The following BANP variants were observed in gnomAD, a reference collection of about 807,000 sequenced individuals.
BANP encodes protein BANP.
In BANP, 11 loss-of-function variants were observed where a neutral mutation model predicts 68.1. The observed-to-expected ratio is 0.16, with a 90% CI of 0.10 to 0.27. BANP has a LOEUF of 0.27. Among genes scored for constraint, BANP ranks in the 10% least tolerant of loss-of-function variants. The pLI is 1.00. For missense variants in BANP, 504 were observed against 722.7 expected (o/e 0.70, Z 3.47); for synonymous variants, 329 against 303.2 (o/e 1.09, Z -0.88).
chr16:87,982,354 C>T (rs1385005751), intron 3 of BANP, among the ~76,000 whole-genome samples: 1 of 152,084 alleles, frequency 6.6e-6, no homozygotes, highest in Non-Finnish European at 1.5e-5. Context: ...GTGATTTTTC[C>T]CAAAACCCCA....
At chr16:88,009,993 A>G (rs1462823783) in intron 6 of BANP, among the ~76,000 whole-genome samples, 2 of 152,150 alleles carry the variant, frequency 1.3e-5, no homozygotes, top group African/African-American at 2.4e-5. Context: ...AGGGAACAGT[A>G]GACTATGTCT....
chr16:88,051,579 C>T (rs146140870), intron 11 of BANP, among the ~76,000 whole-genome samples: 2,224 of 152,292 alleles, frequency 0.015, 26 homozygotes, highest in Middle Eastern at 0.034. Flanking sequence ...TGGTGAGCCA[C>T]GGTTCCCTCT....
intron 12 of BANP, among the ~76,000 whole-genome samples, chr16:88,069,430 G>A (rs1274100791): frequency 2.6e-5 from 4 of 152,296 alleles, no homozygotes; most frequent in Non-Finnish European, 4.4e-5. Context: ...GCCTACGCCC[G>A]AGCCCTCCCC....
At chr16:88,073,229 T>G (rs1215106096) in intron 13 of BANP, among the ~76,000 whole-genome samples, 1 of 152,216 alleles carries the variant, frequency 6.6e-6, no homozygotes, top group Non-Finnish European at 1.5e-5. Context: ...CTGCAGTCCC[T>G]CAGCCGCGAC....
At chr16:88,006,037 T>G in intron 5 of BANP, 53 bp from the exon 6 acceptor site, 2 of 1,611,716 alleles carry the variant, frequency 1.2e-6, no homozygotes, top group Non-Finnish European at 1.7e-6. Flanking sequence ...GACCTTCGCG[T>G]GCTGCTTGCG....
At chr16:88,074,695 C>CT (rs1300673940) in intron 13 of BANP, among the ~76,000 whole-genome samples, 1 of 152,062 alleles carries the variant, frequency 6.6e-6, no homozygotes, top group East Asian at 1.9e-4. Flanking sequence ...GGTGGCCCCC[C>CT]TACCCCAACC....
At chr16:88,044,976 C>T (rs182256316) in intron 11 of BANP, among the ~76,000 whole-genome samples, 13 of 150,988 alleles carry the variant, frequency 8.6e-5, no homozygotes, top group East Asian at 7.8e-4. Flanking sequence ...AGCGCGACTC[C>T]GTCTCAAAAA....
Position 87,975,578 on chromosome 16 carries a change from C to T in BANP, c.70+393C>T, listed in dbSNP as rs1224374755. The stretch of plus-strand genomic sequence containing the variant: ...CATGTTGTGTGTGTAATCCCATGTG[C>T]GGCGTCATGGAACCTTACCATGTTG... On this transcript the variant is annotated intron_variant, in intron 2 of 13. Coordinates refer to ENST00000682872, the MANE Select transcript of BANP (RefSeq NM_001386991.1). 1.0e-3 allele frequency among the ~76,000 whole-genome samples: 108 copies of T among 103,564 alleles called. 1 individual carries two copies. The highest frequency in any genetic ancestry group is 1.1e-3 in the African/African-American group (31 of 28,792). The allele number at this position is 103,564 out of a possible 152,430, so 67.9% of individuals were successfully genotyped here.
chr16:88,014,568 C>G (rs575735075), intron 6 of BANP, among the ~76,000 whole-genome samples: 43 of 152,226 alleles, frequency 2.8e-4, no homozygotes, highest in Admixed American at 2.5e-3. Flanking sequence ...TATTATCTCA[C>G]CACAGAGAGC....
chr16:88,029,418 G>T (rs2077655960), intron 8 of BANP, among the ~76,000 whole-genome samples: 1 of 151,442 alleles, frequency 6.6e-6, no homozygotes, highest in Non-Finnish European at 1.5e-5. Flanking sequence ...GACCATCCTG[G>T]CTAACACGGT....
chr16:88,063,212 G>A (rs1350289773), intron 11 of BANP, among the ~76,000 whole-genome samples: 3 of 152,212 alleles, frequency 2.0e-5, no homozygotes, highest in African/African-American at 7.2e-5. Flanking sequence ...TGCCCTTGTG[G>A]TATCTGCTGA....
chr16:88,009,287 G>A (rs1012176659), intron 6 of BANP, among the ~76,000 whole-genome samples: 8 of 152,042 alleles, frequency 5.3e-5, no homozygotes, highest in Admixed American at 3.9e-4. Context: ...TGCTAAAGGG[G>A]GTGTGCTTGT....
At chr16:88,008,309 A>G (rs1183465643) in intron 6 of BANP, among the ~76,000 whole-genome samples, 2 of 152,186 alleles carry the variant, frequency 1.3e-5, no homozygotes, top group Non-Finnish European at 2.9e-5. Context: ...TTGTGTATGT[A>G]TTAATTGCAG....
At chr16:87,967,868 G>GC (rs1211843977) in intron 1 of BANP, among the ~76,000 whole-genome samples, 25 of 151,698 alleles carry the variant, frequency 1.6e-4, no homozygotes, top group Admixed American at 1.6e-3. Flanking sequence ...TGATCTGCCC[G>GC]CCTTGGCCCC....
intron 4 of BANP, among the ~76,000 whole-genome samples, chr16:87,999,456 G>A (rs1307424046): frequency 4.6e-5 from 1 of 21,698 alleles, no homozygotes; most frequent in Admixed American, 3.5e-4. Flanking sequence ...GTGCGCGGCT[G>A]GACTTACCTG....
chr16:87,979,719 T>C (rs4843763), intron 2 of BANP, among the ~76,000 whole-genome samples: 52,859 of 151,916 alleles, frequency 0.35, 10,473 homozygotes, highest in Non-Finnish European at 0.47. Context: ...CTATCAGAAG[T>C]GTTACAATAC....
At chr16:87,960,478 C>T (rs2058937244) in intron 1 of BANP, among the ~76,000 whole-genome samples, 1 of 152,178 alleles carries the variant, frequency 6.6e-6, no homozygotes, top group South Asian at 2.1e-4. Flanking sequence ...TAAAGACATA[C>T]TTATTTGCAA....
In BANP at chr16:87,984,164, G is replaced by C; in HGVS notation, c.267G>C (p.Leu89=). Residue 89 remains leucine, a synonymous_variant, in exon 4 of 14, where the codon CTG becomes CTC. Coordinates refer to ENST00000682872, the MANE Select transcript of BANP (RefSeq NM_001386991.1). ...CTTGTAAATCCTTAGAAGAAAAGCTGGATCTGGTCACGAACAAGCAGCACA... is the reference window on the plus strand; with the variant it reads ...CTTGTAAATCCTTAGAAGAAAAGCTCGATCTGGTCACGAACAAGCAGCACA... ...EATCKSLEEK[L]DLVTNKQHSP... is the part of the protein sequence containing the mutation. 6.2e-7 allele frequency: 1 copy of C among 1,609,102 alleles called. No homozygotes were observed. Among genetic ancestry groups the C allele is most frequent in the East Asian group, 2.2e-5 (1 of 44,658 alleles).
intron 1 of BANP, among the ~76,000 whole-genome samples, chr16:87,967,197 G>C (rs368356344): frequency 6.6e-6 from 1 of 152,274 alleles, no homozygotes; most frequent in African/African-American, 2.4e-5. Flanking sequence ...TGGGATTAGG[G>C]GAGCCTCAGA....
Sources: allele counts gnomAD v4.1 joint callset (sites outside exome capture counted in the v4.1 genomes callset), GRCh38; gene constraint gnomAD v4.1.1; transcripts MANE v1.5; gene names NCBI Gene and HGNC (gene_info 2026-07-23, HGNC 2026-07-21).